PDE4C: variants seen among roughly 807,000 people sequenced by gnomAD.
PDE4C encodes phosphodiesterase 4C.
PDE4C carries 50 observed loss-of-function variants against 63.9 expected under a neutral mutation model. The observed-to-expected ratio is 0.78, with a 90% confidence interval of 0.62 to 0.99. The LOEUF (loss-of-function observed/expected upper bound fraction) is 0.99, where lower values mean the gene tolerates loss of function less well. PDE4C is among the 50% of genes least tolerant of loss of function. The probability of loss-of-function intolerance (pLI) is 0.00; values close to 1 mark genes in which losing one functional copy is unlikely to be tolerated. For missense variants in PDE4C, 777 were observed against 899.1 expected, an observed-to-expected ratio of 0.86 and a Z score of 1.74; for synonymous variants, 377 against 385.1, an observed-to-expected ratio of 0.98 and a Z score of 0.25.
chr19:18,245,071 A>G (rs1969106983), intron 1 of PDE4C, among the ~76,000 whole-genome samples: 1 of 151,976 alleles, frequency 6.6e-6, no homozygotes. Flanking sequence ...TCTTGACCTC[A>G]TGATCCGCCA....
chr19:18,226,578 C>A, upstream of PDE4C: 1 of 433,066 alleles, frequency 2.3e-6, no homozygotes. Context: ...GAAACTGAGG[C>A]ACAGAGTCAG....
chr19:18,251,650 G>C (rs1430038014), upstream of PDE4C, among the ~76,000 whole-genome samples: 2 of 110,072 alleles, frequency 1.8e-5, no homozygotes, highest in Non-Finnish European at 3.9e-5. Context: ...GGCCAGGCTG[G>C]TCTTGAACTC....
chr19:18,247,597 G>T (rs539371401), intron 1 of PDE4C, among the ~76,000 whole-genome samples: 2 of 152,152 alleles, frequency 1.3e-5, no homozygotes, highest in Non-Finnish European at 2.9e-5. Context: ...CGCCTGGCCA[G>T]CTCTGGGTAT....
upstream of PDE4C, among the ~76,000 whole-genome samples, chr19:18,238,522 GC>G (rs1342956950): frequency 1.3e-5 from 2 of 151,694 alleles, no homozygotes. Context: ...ACAGGTGTGA[GC>G]CACTGCGCCC....
chr19:18,215,586 C>T (rs1444557147), intron 12 of PDE4C, among the ~76,000 whole-genome samples: 1 of 151,916 alleles, frequency 6.6e-6, no homozygotes, highest in Non-Finnish European at 1.5e-5. Flanking sequence ...GCGATCTCCG[C>T]TCACTGCAAT....
chr19:18,210,314 G>C (rs1209169663), downstream of PDE4C: 2 of 152,262 alleles, frequency 1.3e-5, no homozygotes, highest in African/African-American at 4.8e-5. Flanking sequence ...AAGCCACTAT[G>C]CCTTGCCCAG....
At chr19:18,213,923 C>T (rs997958703) in intron 12 of PDE4C, among the ~76,000 whole-genome samples, 2 of 152,154 alleles carry the variant, frequency 1.3e-5, no homozygotes, top group Non-Finnish European at 2.9e-5. Flanking sequence ...CCTGGAATGC[C>T]GCTTCCCAAC....
chr19:18,251,887 T>C, upstream of PDE4C, among the ~76,000 whole-genome samples: 1 of 151,934 alleles, frequency 6.6e-6, no homozygotes, highest in Non-Finnish European at 1.5e-5. Context: ...AGCCGTGACA[T>C]ACACTAGGCA....
downstream of PDE4C, chr19:18,210,212 G>T: frequency 6.6e-6 from 1 of 151,884 alleles, no homozygotes; most frequent in Admixed American, 6.6e-5. Flanking sequence ...GAGATGGTGG[G>T]GGTCTTGCTA....
intron 1 of PDE4C, among the ~76,000 whole-genome samples, chr19:18,247,644 G>T (rs74882008): frequency 0.015 from 2,328 of 152,226 alleles, 63 homozygotes; most frequent in African/African-American, 0.053. Context: ...CCCCACCATG[G>T]CCTGGGCCAC....
intron 2 of PDE4C, among the ~76,000 whole-genome samples, chr19:18,221,772 G>A (rs377706339): frequency 1.2e-3 from 185 of 152,034 alleles, no homozygotes; most frequent in African/African-American, 4.1e-3. Context: ...CTACAGGCGC[G>A]CGCCACCACA....
upstream of PDE4C, among the ~76,000 whole-genome samples, chr19:18,227,371 C>T (rs1968761457): frequency 6.6e-6 from 1 of 152,148 alleles, no homozygotes; most frequent in Non-Finnish European, 1.5e-5. Context: ...CTGACATTCC[C>T]CAGGCCCTGT....
upstream of PDE4C, among the ~76,000 whole-genome samples, chr19:18,251,111 T>C (rs1969224289): frequency 6.8e-6 from 1 of 147,928 alleles, no homozygotes. Flanking sequence ...TTACTTTATT[T>C]ATTTTTGAGA....
intron 1 of PDE4C, among the ~76,000 whole-genome samples, chr19:18,222,708 T>TC (rs1485083622): frequency 4.3e-5 from 6 of 140,836 alleles, no homozygotes; most frequent in African/African-American, 1.3e-4. Context: ...TTCTTTTTTT[T>TC]TTTTTTTTTT....
intron 1 of PDE4C, among the ~76,000 whole-genome samples, chr19:18,241,446 T>A (rs1162434308): frequency 6.6e-6 from 1 of 151,818 alleles, no homozygotes; most frequent in African/African-American, 2.4e-5. Context: ...TTTTTGTATT[T>A]TTAGTAGAGA....
upstream of PDE4C, among the ~76,000 whole-genome samples, chr19:18,229,765 CAT>C (rs1246756617): frequency 6.6e-6 from 1 of 152,032 alleles, no homozygotes; most frequent in Non-Finnish European, 1.5e-5. Context: ...GGCCAGGTCA[CAT>C]GTGTAGATGT....
upstream of PDE4C, chr19:18,234,382 G>A (rs918238473): frequency 1.3e-5 from 2 of 152,270 alleles, no homozygotes; most frequent in Non-Finnish European, 2.9e-5. Context: ...CAAACCCCAG[G>A]CCTGCCCCTC....
chr19:18,226,794 G>A (rs1472425119), upstream of PDE4C, among the ~76,000 whole-genome samples: 1 of 151,782 alleles, frequency 6.6e-6, no homozygotes, highest in Non-Finnish European at 1.5e-5. Flanking sequence ...GGAGAGATGG[G>A]GGTGTCTCTT....
upstream of PDE4C, among the ~76,000 whole-genome samples, chr19:18,236,580 T>C (rs551497505): frequency 2.6e-5 from 4 of 152,268 alleles, no homozygotes; most frequent in African/African-American, 9.6e-5. Context: ...GCCCCCTCGA[T>C]GTGAGGTCAG....
Sources: allele counts gnomAD v4.1 joint callset (sites outside exome capture counted in the v4.1 genomes callset), GRCh38; gene constraint gnomAD v4.1.1; transcripts MANE v1.5; gene names NCBI Gene and HGNC (gene_info 2026-07-23, HGNC 2026-07-21).